EIF2B3: variants seen among roughly 807,000 people sequenced by gnomAD.
EIF2B3 encodes eukaryotic translation initiation factor 2B subunit gamma.
In EIF2B3, 20 loss-of-function variants were observed where a neutral mutation model predicts 54.1. That is an observed-to-expected ratio of 0.37 (90% CI 0.26 to 0.54). EIF2B3 has a LOEUF of 0.54. Among genes scored for constraint, EIF2B3 ranks in the 20% least tolerant of loss-of-function variants. EIF2B3 has a pLI of 0.86. For missense variants in EIF2B3, 448 were observed against 547.8 expected (o/e 0.82, Z 1.82); for synonymous variants, 153 against 188.1 (o/e 0.81, Z 1.52).
At chr1:44,874,972 C>G in intron 9 of EIF2B3, 146 bp from the exon 10 acceptor site, 2 of 989,732 alleles carry the variant, frequency 2.0e-6, no homozygotes, top group Non-Finnish European at 3.1e-6. Context: ...CTCAGGGCCA[C>G]AAGGTCATAC....
At chr1:44,888,064 G>C (rs1655656900) in intron 6 of EIF2B3, among the ~76,000 whole-genome samples, 1 of 152,214 alleles carries the variant, frequency 6.6e-6, no homozygotes, top group Non-Finnish European at 1.5e-5. Flanking sequence ...CCTGAGTAAA[G>C]GATGGGATTG....
intron 3 of EIF2B3, among the ~76,000 whole-genome samples, chr1:44,963,948 G>A (rs1644311282): frequency 6.6e-6 from 1 of 152,120 alleles, no homozygotes; most frequent in South Asian, 2.1e-4. Context: ...CACAGGGCTT[G>A]CAAGTTTTTT....
intron 5 of EIF2B3, among the ~76,000 whole-genome samples, chr1:44,913,232 C>T (rs757081782): frequency 1.3e-5 from 2 of 151,212 alleles, no homozygotes; most frequent in African/African-American, 2.4e-5. Context: ...CATCTTGTGG[C>T]GAGCTTTTCT....
At chr1:44,910,281 G>A (rs956943827) in intron 5 of EIF2B3, among the ~76,000 whole-genome samples, 1 of 152,156 alleles carries the variant, frequency 6.6e-6, no homozygotes, top group Non-Finnish European at 1.5e-5. Flanking sequence ...CTGAGGCTTA[G>A]AAAAATAAAG....
chr1:44,895,399 C>A (rs887280200), intron 6 of EIF2B3, among the ~76,000 whole-genome samples: 2 of 152,124 alleles, frequency 1.3e-5, no homozygotes, highest in Non-Finnish European at 2.9e-5. Flanking sequence ...TGCTGTAAAA[C>A]TGCCTGCATA....
At chr1:44,941,723 A>G in intron 3 of EIF2B3, 58 bp from the exon 4 acceptor site, 1 of 1,599,284 alleles carries the variant, frequency 6.3e-7, no homozygotes, top group East Asian at 2.2e-5. Flanking sequence ...TACACAAATC[A>G]TCACAAGACA....
intron 5 of EIF2B3, among the ~76,000 whole-genome samples, chr1:44,898,638 C>T (rs1400181555): frequency 3.3e-5 from 5 of 150,792 alleles, no homozygotes; most frequent in African/African-American, 1.2e-4. Context: ...GCCTGGTTGT[C>T]TTCTAACTCT....
intron 6 of EIF2B3, among the ~76,000 whole-genome samples, chr1:44,883,954 T>A (rs1569613728): frequency 6.6e-6 from 1 of 152,178 alleles, no homozygotes; most frequent in African/African-American, 2.4e-5. Flanking sequence ...TCCTCCTGCC[T>A]TGGCCTCCCA....
intron 3 of EIF2B3, among the ~76,000 whole-genome samples, chr1:44,964,190 T>C (rs1324965038): frequency 6.6e-6 from 1 of 150,878 alleles, no homozygotes; most frequent in African/African-American, 2.4e-5. Context: ...GCCAGTAATG[T>C]TGGGCTTTTC....
chr1:44,897,463 TAAAAG>T lies in EIF2B3; in HGVS notation c.567-24_567-20del. On this transcript the variant is annotated intron_variant, in intron 5 of 11. Coordinates refer to ENST00000360403, the MANE Select transcript of EIF2B3 (RefSeq NM_020365.5). ...AGGATGCCTGCAAAAAAATAAAAAA[TAAAAG>T]AAAGAAAGAAGAGGCTCACAATCAG... The T allele has an allele frequency of 6.3e-7, 1 of 1,575,180 alleles. No homozygotes were observed. Among genetic ancestry groups the T allele is most frequent in the African/African-American group, 1.3e-5 (1 of 74,082 alleles).
intron 1 of EIF2B3, among the ~76,000 whole-genome samples, chr1:44,985,043 T>C (rs1430744943): frequency 6.6e-6 from 1 of 151,438 alleles, no homozygotes; most frequent in East Asian, 1.9e-4. Flanking sequence ...CCTGACCTCA[T>C]GATCCACCCG....
intron 1 of EIF2B3, among the ~76,000 whole-genome samples, chr1:44,985,862 A>G (rs1019480290): frequency 5.3e-5 from 8 of 152,184 alleles, no homozygotes; most frequent in African/African-American, 1.7e-4. Context: ...CATAGCACTC[A>G]TGCCTTTTCC....
At chr1:44,884,252 A>G (rs942492274) in intron 6 of EIF2B3, among the ~76,000 whole-genome samples, 4 of 152,196 alleles carry the variant, frequency 2.6e-5, no homozygotes, top group Non-Finnish European at 4.4e-5. Flanking sequence ...AGAAAGGGAG[A>G]CCAGTTACAA....
intron 6 of EIF2B3, among the ~76,000 whole-genome samples, chr1:44,887,276 T>G (rs1325205856): frequency 6.6e-6 from 1 of 152,218 alleles, no homozygotes; most frequent in Non-Finnish European, 1.5e-5. Context: ...TTGTAAATGG[T>G]AATACTGTAG....
chr1:44,890,482 T>C (rs1655758495), intron 6 of EIF2B3, among the ~76,000 whole-genome samples: 1 of 152,226 alleles, frequency 6.6e-6, no homozygotes, highest in Non-Finnish European at 1.5e-5. Flanking sequence ...TGCCTTTTAG[T>C]TCACGTAACT....
chr1:44,894,812 T>G (rs1198884482), intron 6 of EIF2B3, among the ~76,000 whole-genome samples: 2 of 152,228 alleles, frequency 1.3e-5, no homozygotes, highest in Non-Finnish European at 2.9e-5. Context: ...GAATGGTTTA[T>G]GTTCACTTGC....
At chr1:44,933,923 G>A (rs1643919524) in intron 4 of EIF2B3, among the ~76,000 whole-genome samples, 1 of 150,960 alleles carries the variant, frequency 6.6e-6, no homozygotes, top group African/African-American at 2.4e-5. Flanking sequence ...GGGAGTTTGA[G>A]ACCAGCCTGA....
rs369049993 is a variant in EIF2B3 at position 44,890,380 on chromosome 1, T to C, written c.656+6975A>G. On this transcript the variant is annotated intron_variant, in intron 6 of 11. Transcript: ENST00000360403. ...GTCTGTGTAGTTTATACATATGTTA[T>C]GTGTGTGATGCTTATGTAAAAGCTC... Among the ~76,000 whole-genome samples the C allele has an allele frequency of 5.9e-5, 9 of 152,192 alleles. No homozygotes were observed. The East Asian group carries it at 1.7e-3, about 29-fold the overall frequency.
chr1:44,869,271 A>G (rs1654880322), intron 10 of EIF2B3, among the ~76,000 whole-genome samples: 1 of 152,126 alleles, frequency 6.6e-6, no homozygotes, highest in Admixed American at 6.5e-5. Flanking sequence ...TGAGGTCAGG[A>G]GTTCGTAACT....
Sources: allele counts gnomAD v4.1 joint callset (sites outside exome capture counted in the v4.1 genomes callset), GRCh38; gene constraint gnomAD v4.1.1; transcripts MANE v1.5; gene names NCBI Gene and HGNC (gene_info 2026-07-23, HGNC 2026-07-21).